The following CRACD variants were observed in gnomAD, a reference collection of about 807,000 sequenced individuals.
CRACD encodes capping protein inhibiting regulator of actin dynamics.
CRACD carries 56 observed loss-of-function variants against 106.8 expected under a neutral mutation model. The observed-to-expected ratio is 0.52, with a 90% CI of 0.42 to 0.66. The LOEUF (loss-of-function observed/expected upper bound fraction) is 0.66. CRACD is among the 30% of genes least tolerant of loss of function. The probability of loss-of-function intolerance (pLI) is 0.00; values close to 1 mark genes in which losing one functional copy is unlikely to be tolerated. For synonymous variants in CRACD, 754 were observed against 670.8 expected (o/e 1.12, Z -1.92); for missense variants, 1,730 against 1,623.2 (o/e 1.07, Z -1.13).
At chr4:56,192,167 G>A (rs1737401437) in intron 2 of CRACD, among the ~76,000 whole-genome samples, 1 of 152,148 alleles carries the variant, frequency 6.6e-6, no homozygotes, top group African/African-American at 2.4e-5. Context: ...CGAGGCGGGA[G>A]GATCACCTGC....
At chr4:56,275,673 C>CTAA (rs1296258070) in intron 3 of CRACD, among the ~76,000 whole-genome samples, 3 of 152,128 alleles carry the variant, frequency 2.0e-5, no homozygotes, top group African/African-American at 7.2e-5. Flanking sequence ...GTTCAATTAA[C>CTAA]AGACTGTTAC....
At chr4:56,097,527 A>C (rs1015966729) in intron 1 of CRACD, 1 of 152,568 alleles carries the variant, frequency 6.6e-6, no homozygotes, top group Non-Finnish European at 1.5e-5. Flanking sequence ...CCATGTTCAA[A>C]AGCACTTGTA....
intron 2 of CRACD, among the ~76,000 whole-genome samples, chr4:56,270,035 A>C (rs914146474): frequency 1.3e-5 from 2 of 152,144 alleles, no homozygotes; most frequent in African/African-American, 2.4e-5. Context: ...TTTCCTTTAA[A>C]TGTGATCTGA....
intron 1 of CRACD, among the ~76,000 whole-genome samples, chr4:56,159,720 A>G (rs920634292): frequency 3.3e-5 from 5 of 152,208 alleles, no homozygotes; most frequent in Admixed American, 6.5e-5. Context: ...ATGGTCCTAC[A>G]TAGTACCTAC....
chr4:56,166,679 A>AAAAAC (rs1736167681), intron 1 of CRACD, among the ~76,000 whole-genome samples: 1 of 151,682 alleles, frequency 6.6e-6, no homozygotes, highest in African/African-American at 2.4e-5. Flanking sequence ...CTGTCTCAAA[A>AAAAAC]AAAAAAAAAA....
At chr4:56,078,057 C>A (rs778556710) in intron 1 of CRACD, among the ~76,000 whole-genome samples, 12 of 152,190 alleles carry the variant, frequency 7.9e-5, no homozygotes, top group Non-Finnish European at 1.0e-4. Context: ...AAGGAATATC[C>A]CCAAATCAGT....
At chr4:56,168,607 T>C (rs1736241673) in intron 1 of CRACD, among the ~76,000 whole-genome samples, 1 of 150,858 alleles carries the variant, frequency 6.6e-6, no homozygotes, top group Admixed American at 6.6e-5. Context: ...ATATATGTCA[T>C]TTTATTTATC....
rs148524247 is a variant in CRACD at position 56,249,522 on chromosome 4, G to A, written c.-188-22799G>A. ...TGCGAAAATTTTCTCCCATTTTGTA[G>A]GTTGCCTGTTCACTCTGATGGTAGT... On this transcript the variant is annotated intron_variant, in intron 2 of 10. Transcript: ENST00000682029. Among the ~76,000 whole-genome samples, 442 of 151,874 alleles carry A rather than the reference G, an allele frequency of 2.9e-3. 3 individuals are homozygous for A. Among genetic ancestry groups the A allele is most frequent in the African/African-American group, 0.01 (420 of 41,368 alleles).
rs915873510 is a variant in CRACD, at chr4:56,133,264, A to C, written c.-335-46020A>C. Among the ~76,000 whole-genome samples the C allele has an allele frequency of 3.3e-5, 5 of 152,328 alleles. 1 individual carries two copies. In the South Asian group the frequency reaches 1.0e-3, roughly 32 times the overall value. On this transcript the variant is annotated intron_variant, in intron 1 of 10. Transcript: ENST00000682029. ...CCTGAACGCACTAAATAGAGTAGTA[A>C]TATATAGATGTGAAAACTCCAACGG...
chr4:56,094,188 T>C (rs1733518491), intron 1 of CRACD, among the ~76,000 whole-genome samples: 1 of 152,192 alleles, frequency 6.6e-6, no homozygotes, highest in African/African-American at 2.4e-5. Context: ...AAAACTACAT[T>C]GGTTGATATG....
intron 2 of CRACD, among the ~76,000 whole-genome samples, chr4:56,225,258 AT>A (rs1739243779): frequency 1.3e-5 from 2 of 151,952 alleles, no homozygotes; most frequent in South Asian, 4.2e-4. Context: ...TGCCTGGCTA[AT>A]TTTTTTGTAG....
chr4:56,201,842 A>G (rs1346055222), intron 2 of CRACD, among the ~76,000 whole-genome samples: 1 of 152,238 alleles, frequency 6.6e-6, no homozygotes, highest in Non-Finnish European at 1.5e-5. Flanking sequence ...CAACATCTCT[A>G]GTCTCTTAAT....
intron 2 of CRACD, among the ~76,000 whole-genome samples, chr4:56,261,493 G>T (rs1032795758): frequency 6.6e-6 from 1 of 151,776 alleles, no homozygotes; most frequent in Non-Finnish European, 1.5e-5. Context: ...TTGGATTACA[G>T]GTGCCCACCA....
intron 2 of CRACD, among the ~76,000 whole-genome samples, chr4:56,242,254 G>C (rs372011801): frequency 4.6e-5 from 7 of 152,236 alleles, no homozygotes; most frequent in African/African-American, 1.7e-4. Context: ...ACTTTGTGGA[G>C]ATCATGAGTA....
At chr4:56,204,085 G>A (rs1738009629) in intron 2 of CRACD, among the ~76,000 whole-genome samples, 2 of 152,198 alleles carry the variant, frequency 1.3e-5, no homozygotes, top group Non-Finnish European at 2.9e-5. Flanking sequence ...TTGGTGAATG[G>A]CAGGCAAGCT....
At chr4:56,053,140 A>G (rs1207763501) in intron 1 of CRACD, among the ~76,000 whole-genome samples, 1 of 152,228 alleles carries the variant, frequency 6.6e-6, no homozygotes, top group Non-Finnish European at 1.5e-5. Flanking sequence ...AACTATAAAA[A>G]GACTTCATTA....
At chr4:56,277,570 C>T (rs1742747421) in intron 3 of CRACD, among the ~76,000 whole-genome samples, 1 of 151,968 alleles carries the variant, frequency 6.6e-6, no homozygotes, top group Non-Finnish European at 1.5e-5. Context: ...GAATGTGATC[C>T]CCTTAAGATC....
At chr4:56,132,684 G>A (rs1351319202) in intron 1 of CRACD, among the ~76,000 whole-genome samples, 1 of 152,026 alleles carries the variant, frequency 6.6e-6, no homozygotes, top group Admixed American at 6.5e-5. Flanking sequence ...GCTTGGTAAT[G>A]GTTTCTGTAT....
At chr4:56,282,052 C>A (rs909377261) in intron 3 of CRACD, among the ~76,000 whole-genome samples, 1 of 152,190 alleles carries the variant, frequency 6.6e-6, no homozygotes, top group African/African-American at 2.4e-5. Context: ...ACTCCAGTCT[C>A]TTCCAGCAAC....
Sources: allele counts gnomAD v4.1 joint callset (sites outside exome capture counted in the v4.1 genomes callset), GRCh38; gene constraint gnomAD v4.1.1; transcripts MANE v1.5; gene names NCBI Gene and HGNC (gene_info 2026-07-23, HGNC 2026-07-21).